ST8SIA2: variants seen among roughly 807,000 people sequenced by gnomAD.
ST8SIA2 encodes the protein alpha-2,8-sialyltransferase 8B.
Under a neutral mutation model 37.6 loss-of-function variants are expected in ST8SIA2, and 22 were observed. That is an observed-to-expected ratio of 0.58 (90% CI 0.42 to 0.83). ST8SIA2 has a LOEUF of 0.83. ST8SIA2 is among the 40% of genes least tolerant of loss of function. The pLI is 0.00. For missense variants in ST8SIA2, 382 were observed against 484.7 expected (o/e 0.79, Z 1.99); for synonymous variants, 205 against 201.2 (o/e 1.02, Z -0.16).
chr15:92,396,056 A>G (rs1338120427), intron 1 of ST8SIA2, among the ~76,000 whole-genome samples: 2 of 152,092 alleles, frequency 1.3e-5, no homozygotes, highest in African/African-American at 2.4e-5. Flanking sequence ...CACCCCGGGG[A>G]CTTGTCTCAC....
chr15:92,406,008 G>A (rs2141803676), intron 1 of ST8SIA2, among the ~76,000 whole-genome samples: 1 of 152,242 alleles, frequency 6.6e-6, no homozygotes, highest in Non-Finnish European at 1.5e-5. Flanking sequence ...CCTGCCTACG[G>A]GTGGCCTCTA....
At chr15:92,414,976 G>A (rs745360448) in intron 1 of ST8SIA2, among the ~76,000 whole-genome samples, 3 of 152,154 alleles carry the variant, frequency 2.0e-5, no homozygotes, top group East Asian at 1.9e-4. Flanking sequence ...CCTCTCCTCC[G>A]CCCCCTTTCC....
Position 92,396,470 on chromosome 15 carries a change from GT to G in ST8SIA2, c.98+2319del, listed in dbSNP as rs111488508. On this transcript the variant is annotated intron_variant, in intron 1 of 5. Coordinates refer to ENST00000268164, the MANE Select transcript of ST8SIA2 (RefSeq NM_006011.4). ...GGTTTCTTTTTGTTTGTTTGTTTTT[GT>G]TTTTTTTTTTGTCTTTTCTTTTTTT... Among the ~76,000 whole-genome samples the G allele has an allele frequency of 6.9e-3, 991 of 143,578 alleles. 12 individuals are homozygous for G. The highest frequency in any genetic ancestry group is 0.017 in the African/African-American group (690 of 39,508). 94.2% of individuals were successfully genotyped at this position (143,578 alleles called of 152,430 possible).
At chr15:92,440,838 A>G (rs2049796369) in intron 4 of ST8SIA2, among the ~76,000 whole-genome samples, 2 of 152,248 alleles carry the variant, frequency 1.3e-5, no homozygotes, top group Non-Finnish European at 2.9e-5. Flanking sequence ...TGTTGCAAGC[A>G]TTAAATGAGA....
intron 1 of ST8SIA2, among the ~76,000 whole-genome samples, chr15:92,403,708 G>A (rs1326316330): frequency 6.6e-6 from 1 of 152,188 alleles, no homozygotes; most frequent in Non-Finnish European, 1.5e-5. Context: ...TTAGTAAATT[G>A]ATAGGGCAGG....
intron 1 of ST8SIA2, among the ~76,000 whole-genome samples, chr15:92,413,205 A>G (rs1163237590): frequency 6.6e-6 from 1 of 152,216 alleles, no homozygotes; most frequent in Non-Finnish European, 1.5e-5. Flanking sequence ...AAAGAAAGGC[A>G]TGTTAATTGA....
intron 5 of ST8SIA2, among the ~76,000 whole-genome samples, chr15:92,456,887 G>T (rs888319721): frequency 6.6e-6 from 1 of 152,226 alleles, no homozygotes; most frequent in Non-Finnish European, 1.5e-5. Flanking sequence ...TAGGCAGGCA[G>T]GGAGGCCTGG....
intron 5 of ST8SIA2, among the ~76,000 whole-genome samples, chr15:92,454,196 C>T (rs573031288): frequency 2.6e-5 from 4 of 152,226 alleles, no homozygotes; most frequent in Admixed American, 6.5e-5. Flanking sequence ...CAGGGTTCAG[C>T]GTGGTTGGTC....
intron 1 of ST8SIA2, among the ~76,000 whole-genome samples, chr15:92,407,008 AGAAAAG>A (rs2049512875): frequency 6.7e-6 from 1 of 149,124 alleles, no homozygotes; most frequent in African/African-American, 2.5e-5. Flanking sequence ...AAAAAAAAAA[AGAAAAG>A]AAAAAAAAAA....
chr15:92,424,914 TC>T (rs2049664619), intron 1 of ST8SIA2, among the ~76,000 whole-genome samples: 1 of 152,232 alleles, frequency 6.6e-6, no homozygotes, highest in Non-Finnish European at 1.5e-5. Context: ...TTTAAAGTCG[TC>T]AACCTCTACC....
chr15:92,427,609 C>T (rs1384118242), intron 1 of ST8SIA2, among the ~76,000 whole-genome samples: 1 of 152,152 alleles, frequency 6.6e-6, no homozygotes, highest in African/African-American at 2.4e-5. Flanking sequence ...ACTCCTCAGC[C>T]CTCATCAAAG....
Position 92,438,389 on chromosome 15 carries a change from C to T in ST8SIA2, c.327C>T (p.Asp109=), listed in dbSNP as rs2049775040. ...TAAAGTTCTTGGATGCTGAAAAGGA[C>T]ATTTCTGTCCTAAAGGGAACCCTGA... ...QILKFLDAEK[D]ISVLKGTLKP... is the part of the protein sequence containing the mutation. Residue 109 remains aspartate, a synonymous_variant, in exon 4 of 6, where the codon GAC becomes GAT. Transcript: ENST00000268164. 1 of 1,614,244 alleles carries T rather than the reference C, an allele frequency of 6.2e-7. No individual in the cohort carries two copies.
In ST8SIA2 at chr15:92,401,434, C is replaced by T. The variant is rs148095550; in HGVS notation, c.98+7272C>T. Among the ~76,000 whole-genome samples, 1,479 of 152,266 alleles carry T rather than the reference C, an allele frequency of 9.7e-3. 34 individuals are homozygous for T. The highest frequency in any genetic ancestry group is 0.033 in the African/African-American group (1,388 of 41,558). ...GCTAGGAAGCTGCCCGGTGTCCTGA[C>T]GGGACCTGTGTGTCCCATGTTTTCT... On this transcript the variant is annotated intron_variant, in intron 1 of 5. Transcript: ENST00000268164.
intron 1 of ST8SIA2, among the ~76,000 whole-genome samples, chr15:92,429,523 A>G (rs1354397190): frequency 6.6e-6 from 1 of 152,196 alleles, no homozygotes; most frequent in African/African-American, 2.4e-5. Context: ...TTCTTTTGCC[A>G]CCAAAGAGCA....
intron 4 of ST8SIA2, among the ~76,000 whole-genome samples, chr15:92,443,521 C>T (rs1043573971): frequency 1.3e-5 from 2 of 152,192 alleles, no homozygotes; most frequent in African/African-American, 2.4e-5. Context: ...CATCTCATTG[C>T]TTTCTAATCG....
chr15:92,410,501 G>A (rs570525697), intron 1 of ST8SIA2, among the ~76,000 whole-genome samples: 3 of 152,200 alleles, frequency 2.0e-5, no homozygotes, highest in Non-Finnish European at 2.9e-5. Context: ...GGACCGTTGT[G>A]TCACAGCAGG....
At chr15:92,426,357 G>A (rs938487578) in intron 1 of ST8SIA2, among the ~76,000 whole-genome samples, 1 of 152,140 alleles carries the variant, frequency 6.6e-6, no homozygotes, top group Admixed American at 6.5e-5. Flanking sequence ...TGGTGGAACC[G>A]GGGGTGAGGC....
Position 92,464,551 on chromosome 15 carries a change from T to C in ST8SIA2, c.*166T>C. 1.4e-6 allele frequency: 1 copy of C among 716,764 alleles called. No homozygotes were observed. The highest frequency in any genetic ancestry group is 1.8e-5 in the South Asian group (1 of 56,948). 44.4% of individuals were successfully genotyped at this position (716,764 alleles called of 1,614,324 possible). A position where few individuals can be genotyped will look rare whatever the true frequency, so the allele number is the denominator to read the frequency against. ...ATATATCTATACCTGCATATATATATTGACCTGAGTATTTATAACTGTGTG... is the reference window on the plus strand; with the variant it reads ...ATATATCTATACCTGCATATATATACTGACCTGAGTATTTATAACTGTGTG... On this transcript the variant is annotated 3_prime_UTR_variant, in exon 6 of 6. Transcript: ENST00000268164.
intron 1 of ST8SIA2, 97 bp downstream of exon 1, chr15:92,394,259 C>A: frequency 9.2e-7 from 1 of 1,084,114 alleles, no homozygotes; most frequent in Non-Finnish European, 1.4e-6. Flanking sequence ...GTGCGCCGCG[C>A]CCCGCTGTAG....
Sources: gnomAD v4.1 joint callset for allele counts (sites outside exome capture counted in the v4.1 genomes callset) on GRCh38, gnomAD v4.1.1 for gene constraint, MANE v1.5 for transcripts, NCBI Gene and HGNC (gene_info 2026-07-23, HGNC 2026-07-21) for gene names.